Variants in CAPN2 observed in about 807,000 individuals in gnomAD.
CAPN2 encodes calpain 2.
CAPN2 carries 92 observed loss-of-function variants against 102.3 expected under a neutral mutation model. The ratio of observed to expected loss-of-function variants is 0.90; its 90% CI spans 0.76 to 1.07. The LOEUF (loss-of-function observed/expected upper bound fraction) is 1.07, where lower values mean the gene tolerates loss of function less well. Ranked by LOEUF, CAPN2 falls within the 50% of genes least tolerant of loss-of-function variation. The pLI is 0.00. For synonymous variants in CAPN2, 340 were observed against 355.4 expected, an observed-to-expected ratio of 0.96 and a Z score of 0.49; for missense variants, 800 against 909.4, an observed-to-expected ratio of 0.88 and a Z score of 1.55.
intron 17 of CAPN2, 109 bp from the exon 18 acceptor site, chr1:223,770,338 T>G (rs1661439804): frequency 2.9e-6 from 2 of 691,238 alleles, no homozygotes; most frequent in South Asian, 1.8e-5. Context: ...ACGGCCAAAC[T>G]AGAGGCACAG....
At chr1:223,770,418 AG>A (rs1661441806) in intron 17 of CAPN2, 28 bp from the exon 18 acceptor site, 2 of 1,558,846 alleles carry the variant, frequency 1.3e-6, no homozygotes, top group Non-Finnish European at 1.8e-6. Context: ...TTTGGGTCAT[AG>A]TTCTTACAGC....
At chr1:223,719,829 TGTGC>T (rs1279156119) in intron 2 of CAPN2, among the ~76,000 whole-genome samples, 1,700 of 150,082 alleles carry the variant, frequency 0.011, 33 homozygotes, top group African/African-American at 0.04. Flanking sequence ...TGTGTGTGTG[TGTGC>T]GCGCGCGCGC....
chr1:223,719,803 T>C (rs78227914), intron 2 of CAPN2, among the ~76,000 whole-genome samples: 88 of 82,014 alleles, frequency 1.1e-3, no homozygotes, highest in African/African-American at 5.5e-3. Context: ...CAGGGGTGTG[T>C]GCGTGTGTGT....
chr1:223,744,777 CTT>C (rs776071462), intron 3 of CAPN2, among the ~76,000 whole-genome samples: 2 of 152,148 alleles, frequency 1.3e-5, no homozygotes, highest in African/African-American at 4.8e-5. Flanking sequence ...AGGAGAATCA[CTT>C]TAACCTGGGA....
At position 223,755,490 on chromosome 1, in the gene CAPN2, G is replaced by A. The variant is rs929893700; in HGVS notation, c.1146G>A (p.Trp382Ter). Residue 382 changes from tryptophan to a stop codon, truncating the protein, a stop_gained, in exon 10 of 21, where the codon TGG (tryptophan) becomes TGA (stop). Coordinates refer to ENST00000295006, the MANE Select transcript of CAPN2 (RefSeq NM_001748.5). LOFTEE classifies it high-confidence loss of function. This position sits in a 1 kb window ranked among gnomAD's most constrained non-coding sequence, Gnocchi z 4.1. ...CCTTTCTGGCTGCAGACACATTCTG[G>A]ATGAACCCTCAGTACCTGATCAAGC... ...GGCRNYPNTF[W>*]MNPQYLIKLE... is the part of the protein sequence containing the mutation. The A allele has an allele frequency of 6.2e-6, 10 of 1,613,862 alleles. No homozygotes were observed. Among genetic ancestry groups the A allele is most frequent in the Non-Finnish European group, 8.5e-6 (10 of 1,179,994 alleles).
intron 2 of CAPN2, among the ~76,000 whole-genome samples, chr1:223,720,828 A>C (rs1469606918): frequency 6.6e-6 from 1 of 152,106 alleles, no homozygotes; most frequent in Non-Finnish European, 1.5e-5. Context: ...AGTAATTGCC[A>C]AAGGATTGAA....
rs991852879 is a variant in CAPN2, at chr1:223,756,049, G to A, written c.1305+400G>A. ...CCATGGGTGCAGCTGCTCAGAGCTC[G>A]GCAAAGTCATTGGCCTGGATGGTGG... On this transcript the variant is annotated intron_variant, in intron 10 of 20. Transcript: ENST00000295006. The surrounding 1 kb of genome is among the most constrained non-coding windows in gnomAD (Gnocchi z 4.1). Among the ~76,000 whole-genome samples the A allele has an allele frequency of 3.9e-5, 6 of 152,228 alleles. No homozygotes were observed. The highest frequency in any genetic ancestry group is 9.6e-5 in the African/African-American group (4 of 41,458).
chr1:223,749,918 G>A (rs1014071263), intron 6 of CAPN2, among the ~76,000 whole-genome samples: 1 of 152,170 alleles, frequency 6.6e-6, no homozygotes, highest in Non-Finnish European at 1.5e-5. Flanking sequence ...GCTGAGGTGG[G>A]AGGATCACTT....
At chr1:223,771,063 A>C (rs965010675) in intron 18 of CAPN2, 7 of 153,276 alleles carry the variant, frequency 4.6e-5, no homozygotes, top group African/African-American at 1.7e-4. Flanking sequence ...GTCGTATAGC[A>C]ATCCCAGCTC....
rs1661435613 is a variant in CAPN2, at chr1:223,770,160, G to A, written c.1824+251G>A. ...GATCATCTAAAGGCCACCATCAAGG[G>A]TTTCCTGAAAAGGGTTTTTGACAGC... On this transcript the variant is annotated intron_variant, in intron 17 of 20. Coordinates refer to ENST00000295006, the MANE Select transcript of CAPN2 (RefSeq NM_001748.5). 1.7e-5 allele frequency: 10 copies of A among 579,258 alleles called. No homozygotes were observed. In the South Asian group the frequency reaches 2.0e-4, roughly 12 times the overall value. 35.9% of individuals were successfully genotyped at this position (579,258 alleles called of 1,614,324 possible).
chr1:223,748,388 G>C (rs564854349), intron 5 of CAPN2, among the ~76,000 whole-genome samples: 1 of 152,092 alleles, frequency 6.6e-6, no homozygotes, highest in Admixed American at 6.5e-5. Flanking sequence ...AGCAGAACAC[G>C]TTGAGGCAGA....
intron 14 of CAPN2, among the ~76,000 whole-genome samples, chr1:223,763,397 C>T (rs1233866162): frequency 6.6e-6 from 1 of 152,188 alleles, no homozygotes; most frequent in Non-Finnish European, 1.5e-5. Flanking sequence ...TGAGAGTCTT[C>T]TTTCCCCTCT....
upstream of CAPN2, among the ~76,000 whole-genome samples, chr1:223,711,934 T>TA (rs1347159569): frequency 6.6e-6 from 1 of 152,194 alleles, no homozygotes; most frequent in African/African-American, 2.4e-5. Context: ...TATAATCAAA[T>TA]AAACAGCTGA....
At chr1:223,750,606 A>G (rs570506434) in intron 6 of CAPN2, among the ~76,000 whole-genome samples, 24 of 152,358 alleles carry the variant, frequency 1.6e-4, no homozygotes, top group African/African-American at 5.3e-4. Flanking sequence ...CTGTCAGTTA[A>G]GCTGAAGTTC....
intron 5 of CAPN2, among the ~76,000 whole-genome samples, chr1:223,747,579 A>G (rs375760834): frequency 1.6e-4 from 24 of 152,224 alleles, no homozygotes; most frequent in African/African-American, 5.8e-4. Context: ...CCTGCAGAGC[A>G]GACAGTGGTT....
chr1:223,770,187 A>G (rs781053550), intron 17 of CAPN2: 3 of 577,858 alleles, frequency 5.2e-6, no homozygotes, highest in Non-Finnish European at 9.2e-6. Flanking sequence ...TTTGACAGCT[A>G]AAGTACAAAA....
At chr1:223,771,049 T>G (rs1661457942) in intron 18 of CAPN2, 1 of 153,440 alleles carries the variant, frequency 6.5e-6, no homozygotes. Flanking sequence ...AGGTATGTCT[T>G]TCTGTCGTAT....
At chr1:223,772,316 C>A in intron 20 of CAPN2, 77 bp downstream of exon 20, 2 of 1,308,378 alleles carry the variant, frequency 1.5e-6, no homozygotes, top group Non-Finnish European at 2.2e-6. Flanking sequence ...CTTGAGTGAT[C>A]TGCTTTTTCA....
chr1:223,768,395 A>T (rs1661390982), intron 16 of CAPN2, among the ~76,000 whole-genome samples: 1 of 149,972 alleles, frequency 6.7e-6, no homozygotes, highest in Non-Finnish European at 1.5e-5. Context: ...ATCCAGTTTC[A>T]GCTTTCTACA....
Sources: gnomAD v4.1 joint callset for allele counts (sites outside exome capture counted in the v4.1 genomes callset) on GRCh38, gnomAD v4.1.1 for gene constraint, Gnocchi (gnomAD v3.1) non-coding constraint, MANE v1.5 for transcripts, NCBI Gene and HGNC (gene_info 2026-07-23, HGNC 2026-07-21) for gene names.